Variants in DENND2B observed in about 807,000 individuals in gnomAD.
The protein encoded by DENND2B is DENN domain-containing protein 2B.
A neutral mutation model predicts 116.0 loss-of-function variants in DENND2B; 32 were observed. The observed-to-expected ratio is 0.28, with a 90% CI of 0.21 to 0.37. The LOEUF is 0.37. Ranked by LOEUF, DENND2B falls within the 10% of genes least tolerant of loss-of-function variation. The probability of loss-of-function intolerance (pLI) is 1.00; values close to 1 mark genes in which losing one functional copy is unlikely to be tolerated. For synonymous variants in DENND2B, 588 were observed against 583.9 expected, an observed-to-expected ratio of 1.01 and a Z score of -0.10; for missense variants, 1,276 against 1,477.7, an observed-to-expected ratio of 0.86 and a Z score of 2.24.
Position 8,707,951 on chromosome 11 carries a change from C to G in DENND2B, c.2353-97G>C, listed in dbSNP as rs764232460. 1.3e-6 allele frequency: 2 copies of G among 1,541,828 alleles called. No individual in the cohort carries two copies. Among genetic ancestry groups the G allele is most frequent in the East Asian group, 2.4e-5 (1 of 41,156 alleles). ...TTCCTTGGGAACGGAGGAGTAAGGACTGCCCTTCTAGTGGAGGAAGACTTT... is the reference window on the plus strand; with the variant it reads ...TTCCTTGGGAACGGAGGAGTAAGGAGTGCCCTTCTAGTGGAGGAAGACTTT... On this transcript the variant is annotated intron_variant, in intron 11 of 19. Transcript: ENST00000313726. The surrounding 1 kb of genome is among the most constrained non-coding windows in gnomAD (Gnocchi z 4.8).
chr11:8,877,889 T>C (rs1221140677), intron 2 of DENND2B, among the ~76,000 whole-genome samples: 4 of 152,222 alleles, frequency 2.6e-5, no homozygotes, highest in Admixed American at 2.6e-4. Context: ...TAATAAGTTG[T>C]GTAAGCAAAT....
At chr11:8,727,788 T>C (rs2133906848) in intron 3 of DENND2B, among the ~76,000 whole-genome samples, 1 of 152,072 alleles carries the variant, frequency 6.6e-6, no homozygotes, top group East Asian at 1.9e-4. Flanking sequence ...CTCAAGTCAG[T>C]AAATAAGACA....
At chr11:8,755,672 G>A (rs1051517946) in intron 1 of DENND2B, among the ~76,000 whole-genome samples, 12 of 152,162 alleles carry the variant, frequency 7.9e-5, no homozygotes, top group African/African-American at 2.7e-4. Context: ...CTTTTTGGTA[G>A]AGATGGGGTT....
intron 1 of DENND2B, among the ~76,000 whole-genome samples, chr11:8,800,246 A>G (rs898985585): frequency 3.3e-5 from 5 of 152,118 alleles, no homozygotes; most frequent in African/African-American, 9.7e-5. Context: ...GAGCCATTGC[A>G]TTGTGTCCGG....
At chr11:8,828,177 G>C (rs1287037426) in intron 4 of DENND2B, among the ~76,000 whole-genome samples, 1 of 152,158 alleles carries the variant, frequency 6.6e-6, no homozygotes, top group African/African-American at 2.4e-5. Flanking sequence ...ACAGTGGCTG[G>C]GGCAGAGATC....
chr11:8,888,788 C>T (rs1483106493), intron 1 of DENND2B, among the ~76,000 whole-genome samples: 1 of 152,046 alleles, frequency 6.6e-6, no homozygotes. Context: ...AAATAAGATA[C>T]AAAAACAGCC....
chr11:8,718,893 C>T lies in DENND2B; in HGVS notation c.1478-1001G>A, dbSNP rs954407559. 3.5e-5 allele frequency: 35 copies of T among 993,144 alleles called. No homozygotes were observed. The South Asian group carries it at 4.5e-4, about 13-fold the overall frequency. The allele number at this position is 993,144 out of a possible 1,614,324, so 61.5% of individuals were successfully genotyped here. A position where few individuals can be genotyped will look rare whatever the true frequency, so the allele number is the denominator to read the frequency against. ...TCTAAAATAGAGTAACACCATGGGC[C>T]GGGTCAGTCCTAGCTCAATCCTGGT... On this transcript the variant is annotated intron_variant, in intron 4 of 19. Coordinates refer to ENST00000313726, the MANE Select transcript of DENND2B (RefSeq NM_213618.2).
chr11:8,908,991 G>C (rs1484676615), intron 1 of DENND2B, among the ~76,000 whole-genome samples: 1 of 152,046 alleles, frequency 6.6e-6, no homozygotes, highest in Non-Finnish European at 1.5e-5. Context: ...ACATTCAAGG[G>C]CTATTTTTAG....
At chr11:8,731,987 T>C (rs2048202583) in intron 2 of DENND2B, among the ~76,000 whole-genome samples, 1 of 152,234 alleles carries the variant, frequency 6.6e-6, no homozygotes. Flanking sequence ...GGACTTCTGC[T>C]ACTAGACATA....
At chr11:8,888,562 AAATT>A (rs1362541300) in intron 1 of DENND2B, among the ~76,000 whole-genome samples, 3 of 152,232 alleles carry the variant, frequency 2.0e-5, no homozygotes, top group Non-Finnish European at 2.9e-5. Context: ...GCAAAAGAAA[AAATT>A]GATATATTGC....
intron 6 of DENND2B, 69 bp downstream of exon 6, chr11:8,715,534 G>C: frequency 6.6e-7 from 1 of 1,514,904 alleles, no homozygotes; most frequent in South Asian, 1.1e-5. Flanking sequence ...AGCCAGGAAA[G>C]AGAGAGAAAG....
intron 2 of DENND2B, among the ~76,000 whole-genome samples, chr11:8,867,205 G>C (rs58735631): frequency 0.013 from 1,944 of 152,226 alleles, 49 homozygotes; most frequent in African/African-American, 0.045. Context: ...TATTCAAAGC[G>C]GCAGACTAAT....
At chr11:8,771,566 A>AGAGAGAGAGAGAGAGGGC (rs146752028) in intron 1 of DENND2B, 4 of 120,312 alleles carry the variant, frequency 3.3e-5, no homozygotes, top group Non-Finnish European at 1.8e-5. Context: ...AGAGAGAGAG[A>AGAGAGAGAGAGAGAGGGC]GCCTTCTTCC....
chr11:8,838,763 T>C (rs187711034), intron 4 of DENND2B, among the ~76,000 whole-genome samples: 3 of 152,330 alleles, frequency 2.0e-5, no homozygotes, highest in South Asian at 2.1e-4. Flanking sequence ...GGGAATGTTA[T>C]CTAAGAGGGA....
rs1040546789 is a variant in DENND2B at position 8,699,448 on chromosome 11, G to A, written c.2721-58C>T. ...GCCCAGGCCCAGGAACTTAGAGCTC[G>A]CTGGAGGCTCAGGACAGCCTTTGAT... On this transcript the variant is annotated intron_variant, in intron 14 of 19. Coordinates refer to ENST00000313726, the MANE Select transcript of DENND2B (RefSeq NM_213618.2). 8.0e-6 allele frequency: 12 copies of A among 1,506,694 alleles called. No individual in the cohort carries two copies. In the Admixed American group the frequency reaches 1.4e-4, roughly 17 times the overall value. 93.3% of individuals were successfully genotyped at this position (1,506,694 alleles called of 1,614,324 possible).
At chr11:8,780,269 T>C (rs915994277) in intron 1 of DENND2B, among the ~76,000 whole-genome samples, 4 of 152,178 alleles carry the variant, frequency 2.6e-5, no homozygotes, top group African/African-American at 9.7e-5. Flanking sequence ...GTGAATACAA[T>C]AGACATATAA....
chr11:8,789,326 G>T (rs2059174138), intron 1 of DENND2B, among the ~76,000 whole-genome samples: 1 of 152,170 alleles, frequency 6.6e-6, no homozygotes, highest in Non-Finnish European at 1.5e-5. Context: ...GTTATGCTTG[G>T]TATTTTCCAT....
chr11:8,788,410 T>C (rs2059103027), intron 1 of DENND2B, among the ~76,000 whole-genome samples: 1 of 152,286 alleles, frequency 6.6e-6, no homozygotes, highest in South Asian at 2.1e-4. Context: ...TGGGCAGCAA[T>C]GTCCAACAGA....
intron 2 of DENND2B, among the ~76,000 whole-genome samples, chr11:8,745,840 G>A (rs916877912): frequency 6.6e-6 from 1 of 152,198 alleles, no homozygotes; most frequent in Non-Finnish European, 1.5e-5. Flanking sequence ...AGCATCAACT[G>A]TCATACATGT....
Sources: gnomAD v4.1 joint callset for allele counts (sites outside exome capture counted in the v4.1 genomes callset) on GRCh38, gnomAD v4.1.1 for gene constraint, Gnocchi (gnomAD v3.1) non-coding constraint, MANE v1.5 for transcripts, NCBI Gene and HGNC (gene_info 2026-07-23, HGNC 2026-07-21) for gene names.